Variants in DKK2 observed in about 807,000 individuals in gnomAD.
DKK2 encodes dickkopf Wnt signaling pathway inhibitor 2, also known as dickkopf-related protein 2.
In DKK2, 11 loss-of-function variants were observed where a neutral mutation model predicts 28.1. The observed-to-expected ratio is 0.39, with a 90% CI of 0.25 to 0.65. DKK2 has a LOEUF of 0.65. Ranked by LOEUF, DKK2 falls within the 30% of genes least tolerant of loss-of-function variation. The pLI is 0.47. For synonymous variants in DKK2, 135 were observed against 126.5 expected (o/e 1.07, Z -0.45); for missense variants, 326 against 335.5 (o/e 0.97, Z 0.22).
intron 1 of DKK2, among the ~76,000 whole-genome samples, chr4:106,934,517 A>C (rs76904552): frequency 6.6e-6 from 1 of 152,230 alleles, no homozygotes; most frequent in Non-Finnish European, 1.5e-5. Flanking sequence ...ATACATACAC[A>C]AACACACACA....
chr4:106,939,356 C>T (rs1724655029), intron 1 of DKK2, among the ~76,000 whole-genome samples: 1 of 152,104 alleles, frequency 6.6e-6, no homozygotes, highest in Non-Finnish European at 1.5e-5. Flanking sequence ...CTCCCATTCA[C>T]AATTGCTTCA....
intron 1 of DKK2, among the ~76,000 whole-genome samples, chr4:107,022,474 G>A (rs190041211): frequency 6.6e-6 from 1 of 152,230 alleles, no homozygotes; most frequent in East Asian, 1.9e-4. Flanking sequence ...TAAGTATACA[G>A]ACTTAAGTAA....
In DKK2 at chr4:107,035,606, G is replaced by T. The variant is rs989257449; in HGVS notation, c.-15C>A. Reference sequence around the variant, plus strand: ...AACGCGGCCATCTCCCGGCGAGGGGGTCCCCAGGAAGACGCAAAGCCCGGA... The same window carrying T: ...AACGCGGCCATCTCCCGGCGAGGGGTTCCCCAGGAAGACGCAAAGCCCGGA... On this transcript the variant is annotated 5_prime_UTR_variant, in exon 1 of 4. Transcript: ENST00000285311. 6.6e-5 allele frequency: 106 copies of T among 1,612,892 alleles called. No homozygotes were observed. Among genetic ancestry groups the T allele is most frequent in the Non-Finnish European group, 8.3e-5 (98 of 1,179,812 alleles).
chr4:107,010,924 A>G (rs1293961755), intron 1 of DKK2, among the ~76,000 whole-genome samples: 1 of 151,436 alleles, frequency 6.6e-6, no homozygotes, highest in Non-Finnish European at 1.5e-5. Flanking sequence ...CAAGAATGAA[A>G]GTAGAGCGAA....
chr4:106,957,004 C>T (rs1320430014), intron 1 of DKK2, among the ~76,000 whole-genome samples: 1 of 151,908 alleles, frequency 6.6e-6, no homozygotes, highest in African/African-American at 2.4e-5. Context: ...ACCTACTCAC[C>T]TGACAAAGGG....
intron 1 of DKK2, among the ~76,000 whole-genome samples, chr4:106,932,605 A>G (rs1021011480): frequency 6.6e-6 from 1 of 152,164 alleles, no homozygotes; most frequent in African/African-American, 2.4e-5. Flanking sequence ...ATCCCCACTC[A>G]TTTAAAATGG....
chr4:106,928,573 A>G (rs1486432510), intron 1 of DKK2, among the ~76,000 whole-genome samples: 1 of 152,184 alleles, frequency 6.6e-6, no homozygotes. Context: ...ACAATCAAGA[A>G]GGGATGAAAT....
intron 1 of DKK2, 88 bp from the exon 2 acceptor site, chr4:106,926,037 T>G: frequency 7.2e-7 from 1 of 1,386,566 alleles, no homozygotes; most frequent in South Asian, 1.5e-5. Flanking sequence ...TGATAGAAAA[T>G]GAATCACAAT....
At chr4:106,975,558 T>C (rs893533078) in intron 1 of DKK2, among the ~76,000 whole-genome samples, 17 of 152,298 alleles carry the variant, frequency 1.1e-4, no homozygotes, top group Non-Finnish European at 2.4e-4. Flanking sequence ...TGATGGTAGT[T>C]TGTATTTGTG....
chr4:106,932,098 T>TTGATTTTATTAGAACAACTCGTGATCTG (rs1233146048), intron 1 of DKK2, among the ~76,000 whole-genome samples: 5 of 152,138 alleles, frequency 3.3e-5, no homozygotes, highest in Admixed American at 6.6e-5. Flanking sequence ...GATCTGGACA[T>TTGATTTTATTAGAACAACTCGTGATCTG]TGATTTTATT....
chr4:106,943,934 A>G (rs1022417102), intron 1 of DKK2, among the ~76,000 whole-genome samples: 4 of 152,098 alleles, frequency 2.6e-5, no homozygotes, highest in African/African-American at 9.7e-5. Flanking sequence ...CACTGGTGAC[A>G]CTTCCATCCT....
chr4:107,026,522 T>G (rs1377498074), intron 1 of DKK2, among the ~76,000 whole-genome samples: 1 of 152,006 alleles, frequency 6.6e-6, no homozygotes, highest in African/African-American at 2.4e-5. Flanking sequence ...GAGAAAAAAA[T>G]GGAAGTATAT....
rs147154257 is a variant in DKK2 at position 107,032,258 on chromosome 4, T to C, written c.222+3112A>G. On this transcript the variant is annotated intron_variant, in intron 1 of 3. Transcript: ENST00000285311. The stretch of plus-strand genomic sequence containing the variant: ...CTATGTCAGTTTCCATTATAACTCA[T>C]ACTGTGTTTTTGAAAGCCAACCTTA... Among the ~76,000 whole-genome samples, 114 of 152,170 alleles carry C rather than the reference T, an allele frequency of 7.5e-4. 1 individual carries two copies. Among genetic ancestry groups the C allele is most frequent in the African/African-American group, 2.6e-3 (109 of 41,572 alleles).
intron 1 of DKK2, among the ~76,000 whole-genome samples, chr4:107,004,130 T>C (rs1578374968): frequency 6.6e-6 from 1 of 152,184 alleles, no homozygotes; most frequent in African/African-American, 2.4e-5. Flanking sequence ...AAGCCCACCA[T>C]TCCAGACCAC....
chr4:106,965,775 G>A (rs1722771838), intron 1 of DKK2, among the ~76,000 whole-genome samples: 1 of 129,450 alleles, frequency 7.7e-6, no homozygotes, highest in Non-Finnish European at 1.6e-5. Context: ...TCCCCAGAGT[G>A]TAATATTCCC....
chr4:106,943,703 A>T (rs1196185088), intron 1 of DKK2, among the ~76,000 whole-genome samples: 1 of 152,112 alleles, frequency 6.6e-6, no homozygotes, highest in East Asian at 1.9e-4. Context: ...TCTGCATTAC[A>T]TTTCTACAGA....
intron 1 of DKK2, among the ~76,000 whole-genome samples, chr4:106,932,992 A>T (rs1186045567): frequency 6.6e-6 from 1 of 152,168 alleles, no homozygotes; most frequent in African/African-American, 2.4e-5. Flanking sequence ...CTATGATAAA[A>T]TGGATAAAAT....
chr4:106,938,345 G>A (rs932461575), intron 1 of DKK2, among the ~76,000 whole-genome samples: 38 of 152,008 alleles, frequency 2.5e-4, no homozygotes, highest in Non-Finnish European at 4.1e-4. Flanking sequence ...AAACACCTCT[G>A]CGCAAATAAA....
chr4:106,929,795 T>G (rs545445190), intron 1 of DKK2, among the ~76,000 whole-genome samples: 1 of 152,174 alleles, frequency 6.6e-6, no homozygotes, highest in Non-Finnish European at 1.5e-5. Context: ...TTTAGAATCA[T>G]TACCTAAAAT....
Sources: allele counts gnomAD v4.1 joint callset (sites outside exome capture counted in the v4.1 genomes callset), GRCh38; gene constraint gnomAD v4.1.1; transcripts MANE v1.5; gene names NCBI Gene and HGNC (gene_info 2026-07-23, HGNC 2026-07-21).